Variants in CSMD3 observed in about 807,000 individuals in gnomAD.
CSMD3 encodes the protein CUB and sushi domain-containing protein 3.
In CSMD3, 177 loss-of-function variants were observed where a neutral mutation model predicts 435.2. That is an observed-to-expected ratio of 0.41 (90% confidence interval 0.36 to 0.46). CSMD3 has a LOEUF of 0.46. CSMD3 is among the 20% of genes least tolerant of loss of function. CSMD3 has a pLI of 0.34. For missense variants in CSMD3, 4,265 were observed against 4,504.6 expected (o/e 0.95, Z 1.52); for synonymous variants, 1,656 against 1,520.5 (o/e 1.09, Z -2.07).
chr8:112,918,763 T>A (rs1405616097), intron 10 of CSMD3, among the ~76,000 whole-genome samples: 2 of 151,972 alleles, frequency 1.3e-5, no homozygotes, highest in African/African-American at 2.4e-5. Context: ...TAATTCATAA[T>A]TTGCTGTCTG....
intron 3 of CSMD3, among the ~76,000 whole-genome samples, chr8:113,204,664 C>G (rs1479457033): frequency 1.3e-5 from 2 of 152,092 alleles, no homozygotes; most frequent in Admixed American, 6.6e-5. Flanking sequence ...TAAGTGCCCT[C>G]TACAGGTGTC....
chr8:113,347,871 G>C (rs1412843680), intron 1 of CSMD3, among the ~76,000 whole-genome samples: 1 of 152,082 alleles, frequency 6.6e-6, no homozygotes, highest in African/African-American at 2.4e-5. Context: ...CATAAAGAGA[G>C]TATCTGAGAG....
rs1814528789 is a variant in CSMD3 at position 112,244,677 on chromosome 8, T to C, written c.10223-104A>G. ...TCAGATATACTTCAATGCCTTTATA[T>C]ACATATATCTTAGAATAATTATTCT... On this transcript the variant is annotated intron_variant, in intron 64 of 70. Transcript: ENST00000297405. 39 of 740,446 alleles carry C rather than the reference T, an allele frequency of 5.3e-5. No homozygotes were observed. The South Asian group carries it at 6.0e-4, about 11-fold the overall frequency. The allele number at this position is 740,446 out of a possible 1,614,324, so 45.9% of individuals were successfully genotyped here.
chr8:113,061,608 T>C (rs181470883), intron 5 of CSMD3, among the ~76,000 whole-genome samples: 93 of 152,216 alleles, frequency 6.1e-4, no homozygotes, highest in Admixed American at 1.7e-3. Flanking sequence ...CATTAAACTG[T>C]TTTGATTTAC....
At chr8:112,302,202 CTTT>C (rs61325166) in intron 52 of CSMD3, among the ~76,000 whole-genome samples, 12 of 141,892 alleles carry the variant, frequency 8.5e-5, no homozygotes, top group Non-Finnish European at 1.7e-4. Context: ...ACATAAAGTT[CTTT>C]TTTTTTCATT....
At chr8:112,466,893 T>C (rs538969694) in intron 32 of CSMD3, among the ~76,000 whole-genome samples, 1 of 152,142 alleles carries the variant, frequency 6.6e-6, no homozygotes, top group South Asian at 2.1e-4. Flanking sequence ...CTATATTTTT[T>C]AAAAAATTAT....
chr8:112,672,051 A>G (rs567765940), intron 16 of CSMD3, among the ~76,000 whole-genome samples: 1 of 152,202 alleles, frequency 6.6e-6, no homozygotes, highest in South Asian at 2.1e-4. Flanking sequence ...CACATTTTCT[A>G]CAAGGAAGAT....
At chr8:113,200,355 C>T (rs969971920) in intron 3 of CSMD3, among the ~76,000 whole-genome samples, 2 of 151,812 alleles carry the variant, frequency 1.3e-5, no homozygotes, top group African/African-American at 2.4e-5. Flanking sequence ...ACTTGGAATA[C>T]CTATTTCCAT....
At chr8:113,268,919 T>A (rs1036164615) in intron 3 of CSMD3, among the ~76,000 whole-genome samples, 1 of 152,058 alleles carries the variant, frequency 6.6e-6, no homozygotes, top group Non-Finnish European at 1.5e-5. Flanking sequence ...ATATAGGGAA[T>A]CAACAGAACC....
intron 17 of CSMD3, among the ~76,000 whole-genome samples, chr8:112,657,224 G>A (rs2131666482): frequency 6.6e-6 from 1 of 152,068 alleles, no homozygotes; most frequent in African/African-American, 2.4e-5. Flanking sequence ...CACCACGCCT[G>A]GCGGATTTTT....
intron 4 of CSMD3, among the ~76,000 whole-genome samples, chr8:113,164,636 G>T (rs1055768408): frequency 6.6e-6 from 1 of 151,914 alleles, no homozygotes; most frequent in Non-Finnish European, 1.5e-5. Context: ...GTTTTTGAAG[G>T]CATCCAAGTT....
At chr8:113,365,975 A>C (rs2094308867) in intron 1 of CSMD3, among the ~76,000 whole-genome samples, 2 of 152,028 alleles carry the variant, frequency 1.3e-5, no homozygotes, top group Non-Finnish European at 2.9e-5. Flanking sequence ...AGTTTAATCA[A>C]TACATTTAAA....
intron 13 of CSMD3, among the ~76,000 whole-genome samples, chr8:112,795,325 A>T (rs1256141978): frequency 6.6e-6 from 1 of 152,166 alleles, no homozygotes; most frequent in Non-Finnish European, 1.5e-5. Context: ...ACTGGAAAAA[A>T]AAACTATGAA....
chr8:112,494,496 TTTCTTTCTTTCTTTCTTTCTTTC>T (rs1563615147), intron 30 of CSMD3, among the ~76,000 whole-genome samples: 1,809 of 92,004 alleles, frequency 0.02, 128 homozygotes, highest in Middle Eastern at 0.038. Flanking sequence ...CTTTCTCTCC[TTTCTTTCTTTCTTTCTTTCTTTC>T]TTTCTTTCTT....
intron 50 of CSMD3, among the ~76,000 whole-genome samples, chr8:112,307,360 A>G (rs1464210739): frequency 6.6e-6 from 1 of 152,052 alleles, no homozygotes; most frequent in Non-Finnish European, 1.5e-5. Context: ...GGCTCACTGC[A>G]GCCTCTACCT....
chr8:112,564,095 C>T (rs1230954148), intron 24 of CSMD3, among the ~76,000 whole-genome samples: 1 of 151,760 alleles, frequency 6.6e-6, no homozygotes, highest in Non-Finnish European at 1.5e-5. Flanking sequence ...TGCTGAACTT[C>T]CCTCTACTGT....
chr8:112,272,406 A>C (rs1817605922), intron 59 of CSMD3, among the ~76,000 whole-genome samples: 1 of 152,292 alleles, frequency 6.6e-6, no homozygotes, highest in East Asian at 1.9e-4. Context: ...GTAACCATAA[A>C]ATTTATATAG....
chr8:113,225,589 T>TTTACAC (rs2093017622), intron 3 of CSMD3, among the ~76,000 whole-genome samples: 1 of 151,510 alleles, frequency 6.6e-6, no homozygotes, highest in African/African-American at 2.4e-5. Context: ...TCTTTACTTA[T>TTTACAC]TGGTACACTG....
intron 6 of CSMD3, among the ~76,000 whole-genome samples, chr8:112,983,649 G>C (rs1419167501): frequency 6.6e-6 from 1 of 151,152 alleles, no homozygotes; most frequent in Non-Finnish European, 1.5e-5. Context: ...AAATTTTAGA[G>C]ATACATGTTT....
Sources: gnomAD v4.1 joint callset for allele counts (sites outside exome capture counted in the v4.1 genomes callset) on GRCh38, gnomAD v4.1.1 for gene constraint, MANE v1.5 for transcripts, NCBI Gene and HGNC (gene_info 2026-07-23, HGNC 2026-07-21) for gene names.